Variants in CORO1C observed in about 807,000 individuals in gnomAD.
CORO1C encodes coronin-1C.
A neutral mutation model predicts 51.2 loss-of-function variants in CORO1C; 14 were observed. That is an observed-to-expected ratio of 0.27 (90% CI 0.18 to 0.43). The LOEUF is 0.43. Ranked by LOEUF, CORO1C falls within the 20% of genes least tolerant of loss-of-function variation. The probability of loss-of-function intolerance (pLI) is 1.00; values close to 1 mark genes in which losing one functional copy is unlikely to be tolerated. For synonymous variants in CORO1C, 181 were observed against 210.5 expected (o/e 0.86, Z 1.21); for missense variants, 417 against 607.8 (o/e 0.69, Z 3.30).
chr12:108,669,482 T>C (rs1258915783), intron 3 of CORO1C, among the ~76,000 whole-genome samples: 1 of 152,044 alleles, frequency 6.6e-6, no homozygotes, highest in Non-Finnish European at 1.5e-5. Flanking sequence ...TACCTCCATA[T>C]TATATGGAAG....
intron 2 of CORO1C, among the ~76,000 whole-genome samples, chr12:108,683,019 A>C (rs550582741): frequency 1.7e-4 from 26 of 152,356 alleles, no homozygotes; most frequent in African/African-American, 6.3e-4. Flanking sequence ...TTAGTGAAAA[A>C]TGGACAGTCT....
intron 6 of CORO1C, among the ~76,000 whole-genome samples, chr12:108,655,367 CCCCTCCCCCTCT>C (rs990356549): frequency 6.7e-6 from 1 of 149,662 alleles, no homozygotes; most frequent in African/African-American, 2.5e-5. Flanking sequence ...CTTCCCCCTC[CCCCTCCCCCTCT>C]CCCTCTCCCC....
intron 1 of CORO1C, among the ~76,000 whole-genome samples, chr12:108,721,251 C>T (rs76001896): frequency 0.052 from 7,864 of 152,264 alleles, 287 homozygotes; most frequent in Non-Finnish European, 0.074. Context: ...AATGCATAAC[C>T]TATTATCATC....
chr12:108,676,508 G>A (rs958493357), intron 3 of CORO1C, among the ~76,000 whole-genome samples: 2 of 151,918 alleles, frequency 1.3e-5, no homozygotes, highest in East Asian at 1.9e-4. Flanking sequence ...GCAGTGGCTC[G>A]TGCCTGTAAT....
intron 1 of CORO1C, among the ~76,000 whole-genome samples, chr12:108,725,329 T>TTCCA (rs2035562044): frequency 6.6e-6 from 1 of 152,226 alleles, no homozygotes; most frequent in African/African-American, 2.4e-5. Flanking sequence ...TTCTCTGCAG[T>TTCCA]TCCATTCATT....
intron 1 of CORO1C, among the ~76,000 whole-genome samples, chr12:108,719,289 AT>A (rs2035417756): frequency 6.6e-6 from 1 of 152,228 alleles, no homozygotes; most frequent in African/African-American, 2.4e-5. Flanking sequence ...AAACAACTAC[AT>A]TTATGGTTTA....
At position 108,687,666 on chromosome 12, in the gene CORO1C, T is replaced by C. The variant is rs570178535; in HGVS notation, c.196-9272A>G. 4.0e-4 allele frequency among the ~76,000 whole-genome samples: 60 copies of C among 151,542 alleles called. 1 individual carries two copies. Among genetic ancestry groups the C allele is most frequent in the African/African-American group, 1.4e-3 (57 of 41,312 alleles). Reference sequence around the variant, plus strand: ...TGCGCTTGATGGTGTGTGCCTATAGTCCCAGCTACTCAGGAGGCTGAGGCA... The same window carrying C: ...TGCGCTTGATGGTGTGTGCCTATAGCCCCAGCTACTCAGGAGGCTGAGGCA... On this transcript the variant is annotated intron_variant, in intron 2 of 10. Coordinates refer to ENST00000261401, the MANE Select transcript of CORO1C (RefSeq NM_014325.4).
At chr12:108,698,612 G>C (rs970971379) in intron 2 of CORO1C, among the ~76,000 whole-genome samples, 2 of 152,204 alleles carry the variant, frequency 1.3e-5, no homozygotes, top group Non-Finnish European at 2.9e-5. Context: ...TCACCACGTT[G>C]TCCAGGCTGG....
At chr12:108,695,618 G>A (rs7300215) in intron 2 of CORO1C, among the ~76,000 whole-genome samples, 43,360 of 151,886 alleles carry the variant, frequency 0.29, 7,486 homozygotes, top group South Asian at 0.44. Context: ...CATCTGAGCT[G>A]GATAATGAAC....
intron 1 of CORO1C, among the ~76,000 whole-genome samples, chr12:108,715,613 C>T (rs1017171320): frequency 1.3e-5 from 2 of 151,840 alleles, no homozygotes; most frequent in African/African-American, 4.8e-5. Flanking sequence ...CAAAGGCAGG[C>T]GCTACCTGAC....
chr12:108,666,170 A>T (rs148321362), intron 3 of CORO1C, among the ~76,000 whole-genome samples: 2 of 152,364 alleles, frequency 1.3e-5, no homozygotes, highest in Admixed American at 1.3e-4. Flanking sequence ...TCCAGTCTCA[A>T]AATAAAACAC....
At chr12:108,659,107 A>C (rs2033150375) in intron 4 of CORO1C, among the ~76,000 whole-genome samples, 188 bp from the exon 5 acceptor site, 1 of 152,262 alleles carries the variant, frequency 6.6e-6, no homozygotes, top group Non-Finnish European at 1.5e-5. Flanking sequence ...AACAGCGTTA[A>C]AAACTGAAGT....
In CORO1C at chr12:108,692,649, G is replaced by C. The variant is rs555308041; in HGVS notation, c.195+8475C>G. On this transcript the variant is annotated intron_variant, in intron 2 of 10. Transcript: ENST00000261401. ...ATCACTGTCACTGTGTCCTCACAAGGCATGGTATAGACCAAGTACTTTCCA... is the reference window on the plus strand; with the variant it reads ...ATCACTGTCACTGTGTCCTCACAAGCCATGGTATAGACCAAGTACTTTCCA... Among the ~76,000 whole-genome samples, 8 of 152,320 alleles carry C rather than the reference G, an allele frequency of 5.3e-5. No homozygotes were observed. In the East Asian group the frequency reaches 1.5e-3, roughly 29 times the overall value.
chr12:108,657,389 A>G lies in CORO1C; in HGVS notation c.665T>C (p.Met222Thr). The change falls in exon 6 of 11, where the codon ATG (methionine) becomes ACG (threonine). Residue 222 changes from methionine to threonine, a missense_variant. Met to Thr is a moderately conservative substitution (Grantham distance 81). Transcript: ENST00000261401. ...KEKAHEGARP[M>T]RAIFLADGNV... Reference sequence around the variant, plus strand: ...GCCATCGGCCAGGAAGATGGCTCTCATGGGTCTTGCTCCTTCATGTGCTTT... The same window carrying G: ...GCCATCGGCCAGGAAGATGGCTCTCGTGGGTCTTGCTCCTTCATGTGCTTT... 2 of 1,614,004 alleles carry G rather than the reference A, an allele frequency of 1.2e-6. No homozygotes were observed. Among genetic ancestry groups the G allele is most frequent in the Middle Eastern group, 1.7e-4 (1 of 6,060 alleles).
At chr12:108,705,591 GAGA>G (rs148645441) in intron 1 of CORO1C, among the ~76,000 whole-genome samples, 18 of 151,008 alleles carry the variant, frequency 1.2e-4, no homozygotes, top group African/African-American at 2.9e-4. Context: ...TCCAAAGATA[GAGA>G]AGAAGGGAAC....
At chr12:108,650,070 G>C (rs2032571559) in intron 8 of CORO1C, among the ~76,000 whole-genome samples, 1 of 152,024 alleles carries the variant, frequency 6.6e-6, no homozygotes, top group African/African-American at 2.4e-5. Context: ...TAGAGCTCAG[G>C]GTGGTAAAGG....
chr12:108,714,142 G>A (rs573839598), intron 1 of CORO1C, among the ~76,000 whole-genome samples: 8 of 152,252 alleles, frequency 5.3e-5, no homozygotes, highest in South Asian at 4.1e-4. Context: ...TATAATCCCA[G>A]CACTTTGGGA....
At chr12:108,675,447 C>T (rs1043064900) in intron 3 of CORO1C, among the ~76,000 whole-genome samples, 13 of 151,934 alleles carry the variant, frequency 8.6e-5, no homozygotes, top group African/African-American at 3.1e-4. Context: ...TGGATTGAAC[C>T]CATCAAATAT....
At chr12:108,679,163 AAAAAG>A (rs1189147406) in intron 2 of CORO1C, among the ~76,000 whole-genome samples, 1 of 139,830 alleles carries the variant, frequency 7.2e-6, no homozygotes, top group Non-Finnish European at 1.6e-5. Flanking sequence ...AAAGAAATTT[AAAAAG>A]TTAAAAAAAA....
Sources: gnomAD v4.1 joint callset for allele counts (sites outside exome capture counted in the v4.1 genomes callset) on GRCh38, gnomAD v4.1.1 for gene constraint, MANE v1.5 for transcripts, NCBI Gene and HGNC (gene_info 2026-07-23, HGNC 2026-07-21) for gene names.